The following ZNF654 variants were observed in gnomAD, a reference collection of about 807,000 sequenced individuals.
ZNF654 encodes zinc finger protein 654, also known as melanoma-associated antigen.
In ZNF654, 19 loss-of-function variants were observed where a neutral mutation model predicts 95.3. That is an observed-to-expected ratio of 0.20 (90% CI 0.14 to 0.29). The LOEUF (loss-of-function observed/expected upper bound fraction) is 0.29, where lower values mean the gene tolerates loss of function less well. Among genes scored for constraint, ZNF654 ranks in the 10% least tolerant of loss-of-function variants. The pLI is 1.00. For missense variants in ZNF654, 1,046 were observed against 1,341.0 expected (o/e 0.78, Z 3.44); for synonymous variants, 413 against 457.9 (o/e 0.90, Z 1.25).
chr3:88,087,910 A>C (rs1293346921), intron 2 of ZNF654, among the ~76,000 whole-genome samples: 1 of 152,192 alleles, frequency 6.6e-6, no homozygotes, highest in Non-Finnish European at 1.5e-5. Flanking sequence ...CAAAATTCGA[A>C]ACTCTTTGAG....
intron 2 of ZNF654, among the ~76,000 whole-genome samples, chr3:88,089,275 A>G (rs1708512797): frequency 6.6e-6 from 1 of 150,660 alleles, no homozygotes; most frequent in African/African-American, 2.4e-5. Context: ...GTGGATCACA[A>G]GGTCAAGAGA....
intron 1 of ZNF654, among the ~76,000 whole-genome samples, chr3:88,082,802 G>A (rs189860569): frequency 2.8e-4 from 42 of 152,236 alleles, no homozygotes; most frequent in Middle Eastern, 3.4e-3. Flanking sequence ...GTATTACTTA[G>A]GCTGCCATAG....
intron 1 of ZNF654, among the ~76,000 whole-genome samples, chr3:88,075,083 G>C (rs1180801709): frequency 1.3e-5 from 2 of 152,076 alleles, no homozygotes; most frequent in Non-Finnish European, 2.9e-5. Flanking sequence ...GGTAGCCCCA[G>C]GTACCTCATC....
intron 1 of ZNF654, among the ~76,000 whole-genome samples, chr3:88,063,857 A>T (rs902149184): frequency 2.6e-5 from 4 of 152,108 alleles, no homozygotes; most frequent in African/African-American, 9.7e-5. Context: ...GTCATGATCC[A>T]GGGTAGTTGC....
chr3:88,134,995 A>G (rs1213127560), intron 6 of ZNF654, 66 bp from the exon 7 acceptor site: 1 of 1,145,090 alleles, frequency 8.7e-7, no homozygotes, highest in Admixed American at 3.9e-5. Flanking sequence ...AATCAGGGAA[A>G]GATAGCTAAT....
chr3:88,121,683 T>C (rs1705776847), intron 3 of ZNF654, among the ~76,000 whole-genome samples: 1 of 152,214 alleles, frequency 6.6e-6, no homozygotes, highest in Admixed American at 6.5e-5. Flanking sequence ...CCAATCAATG[T>C]GTAATAAGAT....
intron 3 of ZNF654, among the ~76,000 whole-genome samples, chr3:88,118,439 T>G (rs982596817): frequency 2.6e-5 from 4 of 152,150 alleles, no homozygotes; most frequent in Non-Finnish European, 5.9e-5. Flanking sequence ...CACCCTCCTT[T>G]GTGGGGCAAG....
chr3:88,133,742 C>T (rs1395534159), intron 6 of ZNF654, among the ~76,000 whole-genome samples: 2 of 151,970 alleles, frequency 1.3e-5, no homozygotes, highest in African/African-American at 4.8e-5. Context: ...AATATGATCA[C>T]GGAGGCTGAA....
At chr3:88,112,433 A>G (rs958148696) in intron 2 of ZNF654, among the ~76,000 whole-genome samples, 14 of 151,934 alleles carry the variant, frequency 9.2e-5, no homozygotes, top group African/African-American at 3.4e-4. Flanking sequence ...TGATTAGGAA[A>G]TCATTCATGT....
At chr3:88,094,439 T>C (rs927138181) in intron 2 of ZNF654, among the ~76,000 whole-genome samples, 2 of 152,144 alleles carry the variant, frequency 1.3e-5, no homozygotes, top group African/African-American at 2.4e-5. Flanking sequence ...TTGGTAGGGA[T>C]GGAAAGTGAT....
Position 88,139,092 on chromosome 3 carries a change from A to T in ZNF654, c.1423A>T (p.Asn475Tyr), listed in dbSNP as rs1706968220. The part of the protein sequence containing the change: ...LSDKSAVRFL[N>Y]ESTLENNAGN... ...TGATAAATCAGCAGTTAGATTTCTA[A>T]ATGAAAGCACACTGGAAAATAATGC... Residue 475 changes from asparagine (N) to tyrosine (Y), a missense_variant, in exon 8 of 9, where the codon AAT becomes TAT. Asn to Tyr is a moderately radical substitution (Grantham distance 143). Transcript: ENST00000636215. The T allele has an allele frequency of 4.7e-6, 6 of 1,263,308 alleles. No individual in the cohort carries two copies. The South Asian group carries it at 1.4e-4, about 30-fold the overall frequency. 78.3% of individuals were successfully genotyped at this position (1,263,308 alleles called of 1,614,324 possible). A position where few individuals can be genotyped will look rare whatever the true frequency, so the allele number is the denominator to read the frequency against.
intron 7 of ZNF654, among the ~76,000 whole-genome samples, chr3:88,135,982 A>C (rs1214558447): frequency 6.6e-6 from 1 of 152,118 alleles, no homozygotes; most frequent in Non-Finnish European, 1.5e-5. Flanking sequence ...ATCACTCATT[A>C]GATGTATGAT....
At chr3:88,125,109 G>T (rs1204939215) in intron 3 of ZNF654, among the ~76,000 whole-genome samples, 2 of 151,838 alleles carry the variant, frequency 1.3e-5, no homozygotes, top group Non-Finnish European at 2.9e-5. Flanking sequence ...CAGCTACTTG[G>T]GAGGCTGAGG....
Position 88,063,494 on chromosome 3 carries a change from A to G in ZNF654, c.186+3989A>G, listed in dbSNP as rs375918868. On this transcript the variant is annotated intron_variant, in intron 1 of 8. Transcript: ENST00000636215. Reference sequence around the variant, plus strand: ...AGAGAAATTAAAATTTGTCTCAGGAAGAAACAATCCTTATTTCTTGGTCTT... The same window carrying G: ...AGAGAAATTAAAATTTGTCTCAGGAGGAAACAATCCTTATTTCTTGGTCTT... Among the ~76,000 whole-genome samples, 60 of 152,312 alleles carry G rather than the reference A, an allele frequency of 3.9e-4. 1 individual carries two copies. Among genetic ancestry groups the G allele is most frequent in the South Asian group, 3.7e-3 (18 of 4,820 alleles).
At chr3:88,089,433 G>A (rs534883294) in intron 2 of ZNF654, among the ~76,000 whole-genome samples, 40 of 151,842 alleles carry the variant, frequency 2.6e-4, no homozygotes, top group African/African-American at 8.7e-4. Flanking sequence ...GGAGGTTGCA[G>A]TGAGCCAAGA....
At chr3:88,075,720 G>C (rs1398344953) in intron 1 of ZNF654, among the ~76,000 whole-genome samples, 3 of 152,054 alleles carry the variant, frequency 2.0e-5, no homozygotes, top group African/African-American at 7.2e-5. Flanking sequence ...GTTTACATTT[G>C]AGCCTGTTAT....
At chr3:88,081,395 T>A (rs1708067890) in intron 1 of ZNF654, among the ~76,000 whole-genome samples, 1 of 152,168 alleles carries the variant, frequency 6.6e-6, no homozygotes, top group Non-Finnish European at 1.5e-5. Context: ...CAAATCCTGC[T>A]TCTCCTCAAA....
intron 1 of ZNF654, among the ~76,000 whole-genome samples, chr3:88,077,955 T>C (rs1332805087): frequency 7.9e-5 from 12 of 152,190 alleles, no homozygotes; most frequent in Admixed American, 7.9e-4. Flanking sequence ...TAGGTGACTA[T>C]TATGAATGTA....
chr3:88,137,548 T>C (rs1706872877), intron 7 of ZNF654, among the ~76,000 whole-genome samples: 1 of 152,112 alleles, frequency 6.6e-6, no homozygotes, highest in Non-Finnish European at 1.5e-5. Flanking sequence ...GGTGAGGACA[T>C]ACACATACAC....
Sources: allele counts gnomAD v4.1 joint callset (sites outside exome capture counted in the v4.1 genomes callset), GRCh38; gene constraint gnomAD v4.1.1; transcripts MANE v1.5; gene names NCBI Gene and HGNC (gene_info 2026-07-23, HGNC 2026-07-21).